The following WWC2 variants were observed in gnomAD, a reference collection of about 807,000 sequenced individuals.
WWC2 encodes protein WWC2.
Under a neutral mutation model 138.5 loss-of-function variants are expected in WWC2, and 101 were observed. The ratio of observed to expected loss-of-function variants is 0.73; its 90% CI spans 0.62 to 0.86. The LOEUF is 0.86. Ranked by LOEUF, WWC2 falls within the 40% of genes least tolerant of loss-of-function variation. The pLI, the probability that WWC2 is intolerant of heterozygous loss-of-function variation, is 0.00. For synonymous variants in WWC2, 558 were observed against 538.4 expected, an observed-to-expected ratio of 1.04 and a Z score of -0.50; for missense variants, 1,420 against 1,419.4, an observed-to-expected ratio of 1.00 and a Z score of -0.01.
chr4:183,200,868 G>A (rs146910354), intron 2 of WWC2, among the ~76,000 whole-genome samples: 7 of 152,148 alleles, frequency 4.6e-5, no homozygotes, highest in Admixed American at 6.5e-5. Context: ...CTTATTCTAT[G>A]TTCTGTTCAT....
At chr4:183,267,981 T>G (rs1737560271) in intron 14 of WWC2, among the ~76,000 whole-genome samples, 2 of 152,224 alleles carry the variant, frequency 1.3e-5, no homozygotes, top group African/African-American at 2.4e-5. Flanking sequence ...CTGCTGAATC[T>G]TCGGCCTCCC....
chr4:183,306,746 C>T (rs1374973133), intron 21 of WWC2, among the ~76,000 whole-genome samples: 6 of 151,946 alleles, frequency 3.9e-5, no homozygotes, highest in African/African-American at 1.5e-4. Context: ...AGGCTGGTCT[C>T]GATCTCCTGA....
At chr4:183,198,381 T>G (rs1014618074) in intron 2 of WWC2, among the ~76,000 whole-genome samples, 1 of 152,104 alleles carries the variant, frequency 6.6e-6, no homozygotes, top group African/African-American at 2.4e-5. Context: ...TATACACAGT[T>G]TCTTAAAATT....
At chr4:183,284,087 C>G in intron 18 of WWC2, 139 bp from the exon 19 acceptor site, 1 of 956,106 alleles carries the variant, frequency 1.0e-6, no homozygotes, top group Non-Finnish European at 1.5e-6. Context: ...GTCTGTAATG[C>G]AAAGCCTTTC....
At chr4:183,184,735 A>G (rs560714232) in intron 1 of WWC2, among the ~76,000 whole-genome samples, 2 of 152,296 alleles carry the variant, frequency 1.3e-5, no homozygotes, top group Admixed American at 6.5e-5. Flanking sequence ...ATAATAACTA[A>G]TGATGTTGAG....
rs754547325 is a variant in WWC2 at position 183,289,644 on chromosome 4, C to G, written c.3384+9C>G. On this transcript the variant is annotated intron_variant, in intron 21 of 22. Coordinates refer to ENST00000403733, the MANE Select transcript of WWC2 (RefSeq NM_024949.6). ...AGCAAGCTGAGAAGCAGGTACGCAG[C>G]TCAGGGTCTGTCATCTCGGAGGGGC... is the stretch of plus-strand genomic sequence containing the variant. 1.9e-6 allele frequency: 3 copies of G among 1,612,510 alleles called. No individual in the cohort carries two copies. Among genetic ancestry groups the G allele is most frequent in the Admixed American group, 1.7e-5 (1 of 59,826 alleles).
In WWC2 at chr4:183,269,058, A is replaced by G. The variant is rs1374047405; in HGVS notation, c.2295A>G (p.Leu765=). ...TTCATCCGCCCACAGAATCCATTTT[A>G]TTCAATGATGTGTTCAGAGTCGCCA... ...TKVHPPTESI[L]FNDVFRVAIS... is the part of the protein sequence containing the mutation. The change falls in exon 15 of 23, where the codon TTA becomes TTG. Residue 765 remains leucine, a synonymous_variant. Coordinates refer to ENST00000403733, the MANE Select transcript of WWC2 (RefSeq NM_024949.6). The G allele has an allele frequency of 6.2e-6, 10 of 1,613,816 alleles. No homozygotes were observed. Among genetic ancestry groups the G allele is most frequent in the Non-Finnish European group, 8.5e-6 (10 of 1,179,892 alleles).
At chr4:183,117,960 T>A (rs1051954170) in intron 1 of WWC2, among the ~76,000 whole-genome samples, 1 of 140,018 alleles carries the variant, frequency 7.1e-6, no homozygotes, top group Non-Finnish European at 1.6e-5. Flanking sequence ...GCCACCATGC[T>A]CGGCTAATTT....
At chr4:183,141,032 G>A (rs191780276) in intron 1 of WWC2, among the ~76,000 whole-genome samples, 1 of 152,300 alleles carries the variant, frequency 6.6e-6, no homozygotes, top group Non-Finnish European at 1.5e-5. Flanking sequence ...AAATTCGTGG[G>A]AAACCACAGG....
At chr4:183,277,534 T>G (rs1308214421) in intron 16 of WWC2, among the ~76,000 whole-genome samples, 75 of 149,902 alleles carry the variant, frequency 5.0e-4, no homozygotes, top group African/African-American at 1.7e-3. Flanking sequence ...TTTCCAGTTC[T>G]AGATCCCTGA....
At chr4:183,153,830 A>G (rs1350163049) in intron 1 of WWC2, among the ~76,000 whole-genome samples, 1 of 151,524 alleles carries the variant, frequency 6.6e-6, no homozygotes, top group Non-Finnish European at 1.5e-5. Flanking sequence ...TTTTTTATAG[A>G]GATGGGGTTT....
rs149307334 is a variant in WWC2, at chr4:183,269,147, G to A, written c.2384G>A (p.Arg795Gln). Reference protein sequence around the residue: ...RVDLCSVSKHRREECLAGTQI... With the variant: ...RVDLCSVSKHQREECLAGTQI... ...GACCTTTGCTCTGTCAGTAAACACC[G>A]AAGGGAAGAATGCCTGGTAGGATTC... is the stretch of plus-strand genomic sequence containing the variant. The change falls in exon 15 of 23, where the codon CGA (arginine) becomes CAA (glutamine). Residue 795 changes from arginine to glutamine, a missense_variant. Arg to Gln is a conservative substitution (Grantham distance 43). Coordinates refer to ENST00000403733, the MANE Select transcript of WWC2 (RefSeq NM_024949.6). 972 of 1,609,420 alleles carry A rather than the reference G, an allele frequency of 6.0e-4. 1 individual carries two copies. Among genetic ancestry groups the A allele is most frequent in the East Asian group, 2.9e-3 (128 of 44,796 alleles).
chr4:183,285,835 A>G, intron 19 of WWC2, 132 bp from the exon 20 acceptor site: 1 of 736,614 alleles, frequency 1.4e-6, no homozygotes, highest in Non-Finnish European at 2.2e-6. Context: ...AACTTGTTTG[A>G]GGGGATTTTC....
At chr4:183,275,159 C>T (rs77827404) in intron 16 of WWC2, among the ~76,000 whole-genome samples, 2 of 143,084 alleles carry the variant, frequency 1.4e-5, no homozygotes, top group East Asian at 4.0e-4. Context: ...TTGATTTTAT[C>T]TTGTATCCTG....
intron 4 of WWC2, among the ~76,000 whole-genome samples, chr4:183,209,239 TTTTG>T (rs551046598): frequency 8.0e-4 from 121 of 152,136 alleles, no homozygotes; most frequent in Non-Finnish European, 1.3e-3. Flanking sequence ...TTGGGTAGTG[TTTTG>T]TTTGTTTGTT....
intron 22 of WWC2, among the ~76,000 whole-genome samples, chr4:183,314,862 C>G (rs547373820): frequency 3.9e-5 from 6 of 152,326 alleles, no homozygotes; most frequent in African/African-American, 1.2e-4. Flanking sequence ...TCCTCCTTTT[C>G]TTCTCTATCC....
chr4:183,245,917 C>A (rs758041213), intron 6 of WWC2, among the ~76,000 whole-genome samples: 2 of 152,178 alleles, frequency 1.3e-5, no homozygotes, highest in Non-Finnish European at 2.9e-5. Flanking sequence ...AGGGATATAT[C>A]ATTTGCCATC....
At chr4:183,288,031 G>C (rs1190266499) in intron 20 of WWC2, among the ~76,000 whole-genome samples, 2 of 152,198 alleles carry the variant, frequency 1.3e-5, no homozygotes, top group African/African-American at 4.8e-5. Context: ...AGCTAGGAAA[G>C]ATTTCTGATT....
At chr4:183,188,836 G>A (rs1734898315) in intron 1 of WWC2, among the ~76,000 whole-genome samples, 1 of 151,518 alleles carries the variant, frequency 6.6e-6, no homozygotes, top group African/African-American at 2.4e-5. Context: ...GTAGAGACGG[G>A]GGTTTCACCA....
Sources: allele counts gnomAD v4.1 joint callset (sites outside exome capture counted in the v4.1 genomes callset), GRCh38; gene constraint gnomAD v4.1.1; transcripts MANE v1.5; gene names NCBI Gene and HGNC (gene_info 2026-07-23, HGNC 2026-07-21).